Variants in NRG3 observed in about 807,000 individuals in gnomAD.
The protein encoded by NRG3 is neuregulin 3, also known as pro-neuregulin-3, membrane-bound isoform.
NRG3 carries 31 observed loss-of-function variants against 66.9 expected under a neutral mutation model. The ratio of observed to expected loss-of-function variants is 0.46; its 90% confidence interval spans 0.35 to 0.63. The LOEUF (loss-of-function observed/expected upper bound fraction) is 0.63. Among genes scored for constraint, NRG3 ranks in the 20% least tolerant of loss-of-function variants. NRG3 has a pLI of 0.00. For synonymous variants in NRG3, 393 were observed against 359.4 expected (o/e 1.09, Z -1.06); for missense variants, 910 against 878.9 (o/e 1.04, Z -0.45).
At chr10:82,675,409 G>A (rs1266491759) in intron 2 of NRG3, among the ~76,000 whole-genome samples, 1 of 152,142 alleles carries the variant, frequency 6.6e-6, no homozygotes, top group Non-Finnish European at 1.5e-5. Flanking sequence ...AGAGCAGTTG[G>A]TGAGTCCAGG....
chr10:82,466,792 C>T (rs1288835195), intron 2 of NRG3, among the ~76,000 whole-genome samples: 1 of 150,848 alleles, frequency 6.6e-6, no homozygotes, highest in African/African-American at 2.4e-5. Context: ...ACGATGGTCA[C>T]AGGAGGAACA....
intron 3 of NRG3, among the ~76,000 whole-genome samples, chr10:82,853,573 GGTTGA>G (rs1226357790): frequency 2.0e-5 from 3 of 152,048 alleles, no homozygotes; most frequent in Non-Finnish European, 4.4e-5. Context: ...TTGTAAAAGG[GGTTGA>G]GTTTTTTATT....
chr10:82,251,275 C>T lies in NRG3; in HGVS notation c.824-107464C>T, dbSNP rs985084385. Among the ~76,000 whole-genome samples, 4 of 152,088 alleles carry T rather than the reference C, an allele frequency of 2.6e-5. No homozygotes were observed. In the East Asian group the frequency reaches 5.8e-4, roughly 22 times the overall value. The stretch of plus-strand genomic sequence containing the variant: ...CTGGGTGTCTCATTAGAGGGATGAC[C>T]CCAAGCTTCTCCTCCCCCTCTTCCC... On this transcript the variant is annotated intron_variant, in intron 1 of 8. Coordinates refer to ENST00000372141, the MANE Select transcript of NRG3 (RefSeq NM_001010848.4).
intron 1 of NRG3, among the ~76,000 whole-genome samples, chr10:82,332,527 C>T (rs6584651): frequency 0.12 from 17,859 of 152,114 alleles, 1,863 homozygotes; most frequent in African/African-American, 0.26. Context: ...CATGATCAGC[C>T]GCTGACCCAA....
At chr10:82,798,686 A>G (rs1489046735) in intron 3 of NRG3, among the ~76,000 whole-genome samples, 1 of 152,222 alleles carries the variant, frequency 6.6e-6, no homozygotes, top group Non-Finnish European at 1.5e-5. Context: ...CAAATCCCAG[A>G]TTCCTTAGAA....
At chr10:82,757,750 G>A (rs558171386) in intron 3 of NRG3, among the ~76,000 whole-genome samples, 16 of 152,138 alleles carry the variant, frequency 1.1e-4, no homozygotes, top group African/African-American at 1.4e-4. Flanking sequence ...ATTGAGAAAC[G>A]AAAGTCTGCT....
At chr10:82,171,526 C>A (rs2072608282) in intron 1 of NRG3, among the ~76,000 whole-genome samples, 1 of 152,074 alleles carries the variant, frequency 6.6e-6, no homozygotes, top group Non-Finnish European at 1.5e-5. Context: ...CACTAAGGAC[C>A]TGGAAGCAAG....
chr10:82,703,176 C>G (rs1359517105), intron 2 of NRG3, among the ~76,000 whole-genome samples: 1 of 151,892 alleles, frequency 6.6e-6, no homozygotes, highest in African/African-American at 2.4e-5. Context: ...TTTTCTAGTT[C>G]AGAGTTTTCT....
At chr10:81,893,936 T>C (rs1486255986) in intron 1 of NRG3, among the ~76,000 whole-genome samples, 1 of 152,182 alleles carries the variant, frequency 6.6e-6, no homozygotes, top group African/African-American at 2.4e-5. Context: ...AACAGTGTTG[T>C]AGATAGAGAG....
chr10:82,518,023 A>G (rs1247527338), intron 2 of NRG3, among the ~76,000 whole-genome samples: 1 of 152,138 alleles, frequency 6.6e-6, no homozygotes. Flanking sequence ...CCAGTGGTCC[A>G]AAGTGGAGGG....
intron 1 of NRG3, among the ~76,000 whole-genome samples, chr10:81,894,127 G>C (rs1843287456): frequency 6.6e-6 from 1 of 152,120 alleles, no homozygotes; most frequent in South Asian, 2.1e-4. Context: ...GATCACTTGA[G>C]GTTAGGAGTT....
intron 1 of NRG3, among the ~76,000 whole-genome samples, chr10:81,949,863 T>C (rs1849179477): frequency 6.6e-6 from 1 of 152,226 alleles, no homozygotes; most frequent in Non-Finnish European, 1.5e-5. Context: ...TGCAGACATT[T>C]TGCTAACACA....
intron 2 of NRG3, among the ~76,000 whole-genome samples, chr10:82,668,678 T>C (rs910132572): frequency 1.3e-5 from 2 of 152,176 alleles, no homozygotes; most frequent in African/African-American, 4.8e-5. Flanking sequence ...CTGAGAAGCG[T>C]TCTGAGCCTC....
intron 1 of NRG3, among the ~76,000 whole-genome samples, chr10:81,920,527 A>T (rs933903621): frequency 6.6e-6 from 1 of 152,290 alleles, no homozygotes; most frequent in Non-Finnish European, 1.5e-5. Context: ...TATGACATCA[A>T]TTTGTTGTGA....
At chr10:82,919,739 A>C (rs1420131469) in intron 4 of NRG3, among the ~76,000 whole-genome samples, 4 of 152,308 alleles carry the variant, frequency 2.6e-5, no homozygotes, top group Admixed American at 2.6e-4. Context: ...GCAACTTTAC[A>C]CAAAGTGAAG....
intron 1 of NRG3, among the ~76,000 whole-genome samples, chr10:82,255,372 A>T (rs1589484422): frequency 6.6e-6 from 1 of 152,196 alleles, no homozygotes; most frequent in Non-Finnish European, 1.5e-5. Flanking sequence ...AGAAAAGGAC[A>T]TGGGGTAAAA....
At chr10:82,942,740 C>T (rs1258511155) in intron 4 of NRG3, among the ~76,000 whole-genome samples, 1 of 152,148 alleles carries the variant, frequency 6.6e-6, no homozygotes, top group Non-Finnish European at 1.5e-5. Flanking sequence ...GTCTGTTTCA[C>T]CACCAGCTGT....
intron 3 of NRG3, among the ~76,000 whole-genome samples, chr10:82,864,711 C>T (rs1840534144): frequency 6.6e-6 from 1 of 152,158 alleles, no homozygotes; most frequent in African/African-American, 2.4e-5. Flanking sequence ...GGTTTGCATT[C>T]TATATGCACG....
chr10:82,699,276 G>C (rs915087804), intron 2 of NRG3, among the ~76,000 whole-genome samples: 23 of 144,472 alleles, frequency 1.6e-4, no homozygotes, highest in African/African-American at 5.6e-4. Flanking sequence ...AGGAAGGAAG[G>C]AAGCAAGGGA....
Sources: gnomAD v4.1 joint callset for allele counts (sites outside exome capture counted in the v4.1 genomes callset) on GRCh38, gnomAD v4.1.1 for gene constraint, MANE v1.5 for transcripts, NCBI Gene and HGNC (gene_info 2026-07-23, HGNC 2026-07-21) for gene names.